LAMA2: variants seen among roughly 807,000 people sequenced by gnomAD.
The protein encoded by LAMA2 is laminin subunit alpha-2.
Under a neutral mutation model 364.8 loss-of-function variants are expected in LAMA2, and 269 were observed. The ratio of observed to expected loss-of-function variants is 0.74; its 90% CI spans 0.67 to 0.82. The LOEUF is 0.82. Ranked by LOEUF, LAMA2 falls within the 40% of genes least tolerant of loss-of-function variation. LAMA2 has a pLI of 0.00. For synonymous variants in LAMA2, 1,379 were observed against 1,370.6 expected (o/e 1.01, Z -0.14); for missense variants, 3,807 against 3,873.2 (o/e 0.98, Z 0.45).
intron 1 of LAMA2, among the ~76,000 whole-genome samples, chr6:128,966,979 T>A (rs1417286450): frequency 2.0e-5 from 3 of 152,194 alleles, no homozygotes; most frequent in African/African-American, 7.2e-5. Flanking sequence ...CTAGTGAAGG[T>A]CCAAATTTCA....
At chr6:129,185,703 G>T (rs1781188493) in intron 10 of LAMA2, among the ~76,000 whole-genome samples, 1 of 151,730 alleles carries the variant, frequency 6.6e-6, no homozygotes, top group Non-Finnish European at 1.5e-5. Flanking sequence ...ATAAAAAATA[G>T]ATTAAGTAGA....
chr6:128,940,181 A>C lies in LAMA2; in HGVS notation c.112+56824A>C, dbSNP rs540769910. Among the ~76,000 whole-genome samples, 27 of 151,688 alleles carry C rather than the reference A, an allele frequency of 1.8e-4. No homozygotes were observed. In the South Asian group the frequency reaches 4.0e-3, roughly 22 times the overall value. ...GCCCTCATCACTGAGTCTTCCTACT[A>C]CTTCCCTCACCTCCACTTACCCTAC... On this transcript the variant is annotated intron_variant, in intron 1 of 64. Transcript: ENST00000421865.
rs556367686 is a variant in LAMA2 at position 129,438,750 on chromosome 6, G to A, written c.6073G>A (p.Ala2025Thr). Residue 2025 changes from alanine to threonine, a missense_variant, in exon 42 of 65, where the codon GCT becomes ACT. Transcript: ENST00000421865. Reference protein sequence around the residue: ...TLNDTLGKLSAIPNDTAAKLQ... With the variant: ...TLNDTLGKLSTIPNDTAAKLQ... Reference sequence around the variant, plus strand: ...GAATGACACTTTGGGAAAGTTATCAGCTATTCCAAATGGTAAGCATTCAGG... The same window carrying A: ...GAATGACACTTTGGGAAAGTTATCAACTATTCCAAATGGTAAGCATTCAGG... 2.6e-6 allele frequency: 4 copies of A among 1,547,100 alleles called. No homozygotes were observed. The East Asian group carries it at 6.7e-5, about 26-fold the overall frequency.
At chr6:129,102,229 C>T (rs375413336) in intron 4 of LAMA2, among the ~76,000 whole-genome samples, 269 of 151,372 alleles carry the variant, frequency 1.8e-3, no homozygotes, top group African/African-American at 6.1e-3. Flanking sequence ...CCCGGGTTCC[C>T]GGGTTCAAGT....
intron 1 of LAMA2, among the ~76,000 whole-genome samples, chr6:128,889,067 A>C (rs987096395): frequency 6.6e-6 from 1 of 152,200 alleles, no homozygotes; most frequent in African/African-American, 2.4e-5. Flanking sequence ...TCCATTATTC[A>C]AAATATATCA....
At chr6:129,456,996 A>G (rs1283290137) in intron 48 of LAMA2, among the ~76,000 whole-genome samples, 2 of 152,214 alleles carry the variant, frequency 1.3e-5, no homozygotes, top group South Asian at 2.1e-4. Flanking sequence ...TAATTGCTTC[A>G]TGACAGTCCT....
chr6:129,107,916 C>T (rs1273350493), intron 4 of LAMA2, among the ~76,000 whole-genome samples: 4 of 152,142 alleles, frequency 2.6e-5, no homozygotes, highest in Admixed American at 6.6e-5. Context: ...TCAGGAGTCC[C>T]CCCTCCTAGC....
intron 1 of LAMA2, among the ~76,000 whole-genome samples, chr6:128,959,923 AAATT>A (rs1433853054): frequency 6.6e-6 from 1 of 151,992 alleles, no homozygotes; most frequent in Non-Finnish European, 1.5e-5. Context: ...AAATTATAAA[AAATT>A]AATATATTCA....
intron 25 of LAMA2, 52 bp from the exon 26 acceptor site, chr6:129,315,710 C>A: frequency 6.2e-7 from 1 of 1,610,388 alleles, no homozygotes. Flanking sequence ...TTTTTAGAAT[C>A]ACACCATTTG....
chr6:129,144,165 G>A (rs1583127341), intron 5 of LAMA2, 85 bp downstream of exon 5: 1 of 1,044,552 alleles, frequency 9.6e-7, no homozygotes, highest in African/African-American at 1.6e-5. Flanking sequence ...AATGTTTTCA[G>A]TGATTTGTAG....
At chr6:129,423,160 G>C (rs1035743943) in intron 40 of LAMA2, among the ~76,000 whole-genome samples, 1 of 151,672 alleles carries the variant, frequency 6.6e-6, no homozygotes, top group Non-Finnish European at 1.5e-5. Context: ...TGCCTACTAA[G>C]AGTAGGGGAA....
intron 45 of LAMA2, among the ~76,000 whole-genome samples, chr6:129,448,774 T>C (rs1180661288): frequency 6.6e-6 from 1 of 152,240 alleles, no homozygotes; most frequent in Non-Finnish European, 1.5e-5. Flanking sequence ...GCTTAGTGAT[T>C]TTTCTTTAGA....
At chr6:128,887,818 C>T (rs554589617) in intron 1 of LAMA2, among the ~76,000 whole-genome samples, 12 of 152,000 alleles carry the variant, frequency 7.9e-5, no homozygotes, top group Non-Finnish European at 1.0e-4. Flanking sequence ...TGCAGTGAGC[C>T]GAGATCGTGT....
intron 40 of LAMA2, among the ~76,000 whole-genome samples, chr6:129,408,479 G>A (rs1196451130): frequency 6.6e-6 from 1 of 152,162 alleles, no homozygotes; most frequent in Non-Finnish European, 1.5e-5. Flanking sequence ...TACCATGACA[G>A]CGAATAAGGC....
At chr6:128,990,239 A>C (rs918218431) in intron 1 of LAMA2, among the ~76,000 whole-genome samples, 8 of 152,192 alleles carry the variant, frequency 5.3e-5, no homozygotes, top group African/African-American at 1.9e-4. Context: ...TTACAGAAAG[A>C]ATATTACTCT....
rs76973691 is a variant in LAMA2 at position 129,452,123 on chromosome 6, A to G, written c.6430-865A>G. On this transcript the variant is annotated intron_variant, in intron 45 of 64. Transcript: ENST00000421865. ...AAAGTTACAGATTCTCTCTGAGTCC[A>G]AGCAACTATTTTGCTATCCTGAAAG... Among the ~76,000 whole-genome samples, 772 of 152,328 alleles carry G rather than the reference A, an allele frequency of 5.1e-3. 5 individuals carry two copies. The highest frequency in any genetic ancestry group is 7.2e-3 in the Non-Finnish European group (490 of 68,012).
chr6:129,401,273 TAA>T lies in LAMA2; in HGVS notation c.5498_5499del (p.Lys1833ArgfsTer4). 6.2e-7 allele frequency: 1 copy of T among 1,612,976 alleles called. No individual in the cohort carries two copies. Among genetic ancestry groups the T allele is most frequent in the Non-Finnish European group, 8.5e-7 (1 of 1,179,032 alleles). On this transcript the variant is annotated frameshift_variant, in exon 38 of 65. Transcript: ENST00000421865. LOFTEE classifies it high-confidence loss of function. Reference sequence around the variant, plus strand: ...GGCAAACGACAAATTGAGAACACTTTAAAAGAGGGCAATGACATACTCGATGA... The same window carrying T: ...GGCAAACGACAAATTGAGAACACTTTAAGAGGGCAATGACATACTCGATGA...
chr6:129,184,866 A>T (rs990894279), intron 10 of LAMA2, among the ~76,000 whole-genome samples: 3 of 151,928 alleles, frequency 2.0e-5, no homozygotes, highest in Non-Finnish European at 2.9e-5. Flanking sequence ...GAACTTGTGA[A>T]AATTGAGAAC....
At chr6:129,013,623 GAC>G (rs1423915981) in intron 1 of LAMA2, among the ~76,000 whole-genome samples, 1 of 152,064 alleles carries the variant, frequency 6.6e-6, no homozygotes, top group Non-Finnish European at 1.5e-5. Flanking sequence ...GGTGGACAGG[GAC>G]CAGAACATGT....
Sources: gnomAD v4.1 joint callset for allele counts (sites outside exome capture counted in the v4.1 genomes callset) on GRCh38, gnomAD v4.1.1 for gene constraint, MANE v1.5 for transcripts, NCBI Gene and HGNC (gene_info 2026-07-23, HGNC 2026-07-21) for gene names.